BTBD7: variants seen among roughly 807,000 people sequenced by gnomAD.
The protein encoded by BTBD7 is BTB domain containing 7, also known as BTB/POZ domain-containing protein 7.
In BTBD7, 38 loss-of-function variants were observed where a neutral mutation model predicts 99.9. The ratio of observed to expected loss-of-function variants is 0.38; its 90% CI spans 0.29 to 0.50. BTBD7 has a LOEUF of 0.50. BTBD7 is among the 20% of genes least tolerant of loss of function. The probability of loss-of-function intolerance (pLI) is 0.93; values close to 1 mark genes in which losing one functional copy is unlikely to be tolerated. For synonymous variants in BTBD7, 520 were observed against 511.4 expected, an observed-to-expected ratio of 1.02 and a Z score of -0.23; for missense variants, 1,170 against 1,394.6, an observed-to-expected ratio of 0.84 and a Z score of 2.57.
At chr14:93,271,405 G>A (rs1431983703) in intron 3 of BTBD7, among the ~76,000 whole-genome samples, 1 of 152,198 alleles carries the variant, frequency 6.6e-6, no homozygotes, top group Non-Finnish European at 1.5e-5. Context: ...AAAAGGAACA[G>A]GGAGATTACA....
intron 1 of BTBD7, among the ~76,000 whole-genome samples, chr14:93,323,042 G>A (rs1305432986): frequency 6.6e-6 from 1 of 152,084 alleles, no homozygotes; most frequent in African/African-American, 2.4e-5. Flanking sequence ...ACAATCTCTT[G>A]AGCCTATGAG....
Position 93,288,615 on chromosome 14 carries a change from A to T in BTBD7, c.1162+5243T>A, listed in dbSNP as rs745895726. 9.4e-6 allele frequency: 10 copies of T among 1,067,140 alleles called. No individual in the cohort carries two copies. The East Asian group carries it at 1.9e-4, about 20-fold the overall frequency. 66.1% of individuals were successfully genotyped at this position (1,067,140 alleles called of 1,614,324 possible). On this transcript the variant is annotated intron_variant, in intron 3 of 10. Coordinates refer to ENST00000334746, the MANE Select transcript of BTBD7 (RefSeq NM_001002860.4). ...GGAAGCTTTCCTCAAATGTCCAGTT[A>T]TCCTTGGATGGGTTTTCATATTTAA... is the stretch of plus-strand genomic sequence containing the variant.
intron 1 of BTBD7, among the ~76,000 whole-genome samples, chr14:93,309,253 T>A (rs974182840): frequency 3.3e-5 from 5 of 152,016 alleles, no homozygotes; most frequent in African/African-American, 4.8e-5. Context: ...ATTCTCCAAA[T>A]GAGGAAATCA....
chr14:93,290,954 G>C (rs183513720), intron 3 of BTBD7, among the ~76,000 whole-genome samples: 1 of 150,582 alleles, frequency 6.6e-6, no homozygotes, highest in Non-Finnish European at 1.5e-5. Context: ...CAAAGTGCTG[G>C]GATTACAAGT....
intron 1 of BTBD7, among the ~76,000 whole-genome samples, chr14:93,320,808 CAG>C (rs2053261057): frequency 6.6e-6 from 1 of 152,036 alleles, no homozygotes; most frequent in Admixed American, 6.5e-5. Context: ...CCTCTACACA[CAG>C]AGAAATTACA....
rs1301653265 is a variant in BTBD7 at position 93,242,451 on chromosome 14, G to C, written c.3221C>G (p.Ser1074Ter). ...AGCTTCAGAGCTACATGCAGAAAGT[G>C]AAGGTCTGTTAGGAGTCAGCCCAAA... Reference protein sequence around the residue: ...LTFGLTPNRPSLSACSSEAPE... With the variant: ...LTFGLTPNRP Residue 1074 changes from serine (S) to a stop codon, truncating the protein, a stop_gained, in exon 11 of 11, where the codon TCA becomes TGA. Coordinates refer to ENST00000334746, the MANE Select transcript of BTBD7 (RefSeq NM_001002860.4). LOFTEE classifies it high-confidence loss of function. The C allele has an allele frequency of 5.6e-6, 9 of 1,614,132 alleles. No homozygotes were observed. Among genetic ancestry groups the C allele is most frequent in the Non-Finnish European group, 7.6e-6 (9 of 1,180,052 alleles).
intron 3 of BTBD7, among the ~76,000 whole-genome samples, chr14:93,274,284 G>A (rs1449840397): frequency 2.0e-5 from 3 of 152,158 alleles, no homozygotes; most frequent in Admixed American, 1.3e-4. Flanking sequence ...CAACTCTTGC[G>A]CCCACTGCAC....
Position 93,295,990 on chromosome 14 carries a change from T to C in BTBD7, c.62A>G (p.Gln21Arg). 3 of 1,614,050 alleles carry C rather than the reference T, an allele frequency of 1.9e-6. No individual in the cohort carries two copies. The highest frequency in any genetic ancestry group is 1.7e-6 in the Non-Finnish European group (2 of 1,179,964). The change falls in exon 2 of 11, where the codon CAG becomes CGG. Residue 21 changes from glutamine (Q) to arginine (R), a missense_variant. Coordinates refer to ENST00000334746, the MANE Select transcript of BTBD7 (RefSeq NM_001002860.4). ...SCSPRVGGNSQAQQTFIGTSS... is the reference protein window; with the variant it reads ...SCSPRVGGNSRAQQTFIGTSS... Reference sequence around the variant, plus strand: ...GTTACCTATAAAAGTCTGTTGGGCCTGTGAATTTCCCCCTACCCTCGGGGA... The same window carrying C: ...GTTACCTATAAAAGTCTGTTGGGCCCGTGAATTTCCCCCTACCCTCGGGGA...
chr14:93,324,055 A>C (rs930966865), intron 1 of BTBD7, among the ~76,000 whole-genome samples: 1 of 152,244 alleles, frequency 6.6e-6, no homozygotes, highest in Non-Finnish European at 1.5e-5. Flanking sequence ...AAAAGAACAT[A>C]TGACTATTGT....
intron 1 of BTBD7, among the ~76,000 whole-genome samples, chr14:93,312,569 T>G (rs890154260): frequency 6.6e-6 from 1 of 152,076 alleles, no homozygotes; most frequent in African/African-American, 2.4e-5. Context: ...AATTCAGGAG[T>G]GGCCAACCCA....
At position 93,240,007 on chromosome 14, in the gene BTBD7, A is replaced by G. The variant is rs1361897049; in HGVS notation, c.*2266T>C. 1 of 151,994 alleles carries G rather than the reference A, an allele frequency of 6.6e-6. No individual in the cohort carries two copies. The highest frequency in any genetic ancestry group is 1.5e-5 in the Non-Finnish European group (1 of 67,964). 9.4% of individuals were successfully genotyped at this position (151,994 alleles called of 1,614,324 possible). On this transcript the variant is annotated 3_prime_UTR_variant, in exon 11 of 11. Coordinates refer to ENST00000334746, the MANE Select transcript of BTBD7 (RefSeq NM_001002860.4). ...GTGGCAGAAACACACATCAAGGAAC[A>G]TGACGGCATTCACTTTTGTTTCTGA...
In BTBD7 at chr14:93,242,195, A is replaced by G. The variant is rs2052238262; in HGVS notation, c.*78T>C. On this transcript the variant is annotated 3_prime_UTR_variant, in exon 11 of 11. Coordinates refer to ENST00000334746, the MANE Select transcript of BTBD7 (RefSeq NM_001002860.4). ...CCGAGTTATCAGCTGGCATTGATGA[A>G]CTGGTCTGTAAGTTGTTGGGTTACA... The G allele has an allele frequency of 8.3e-6, 11 of 1,325,754 alleles. No homozygotes were observed. The highest frequency in any genetic ancestry group is 1.1e-5 in the Non-Finnish European group (10 of 951,700). The allele number at this position is 1,325,754 out of a possible 1,614,324, so 82.1% of individuals were successfully genotyped here. A position where few individuals can be genotyped will look rare whatever the true frequency, so the allele number is the denominator to read the frequency against.
intron 3 of BTBD7, among the ~76,000 whole-genome samples, chr14:93,292,412 A>G (rs1271390012): frequency 6.6e-6 from 1 of 152,162 alleles, no homozygotes; most frequent in Non-Finnish European, 1.5e-5. Context: ...TTTTGATAAC[A>G]TATTTTTCCT....
chr14:93,302,836 C>G (rs2053021127), intron 1 of BTBD7, among the ~76,000 whole-genome samples: 1 of 151,818 alleles, frequency 6.6e-6, no homozygotes, highest in African/African-American at 2.4e-5. Flanking sequence ...CAGAGTGAGA[C>G]TGTCTCAAAA....
At chr14:93,277,941 G>A (rs1595304938) in intron 3 of BTBD7, among the ~76,000 whole-genome samples, 1 of 152,202 alleles carries the variant, frequency 6.6e-6, no homozygotes, top group Non-Finnish European at 1.5e-5. Context: ...TACTCAGCAG[G>A]TGAAAAATTC....
rs527670915 is a variant in BTBD7 at position 93,274,555 on chromosome 14, T to G, written c.1163-10562A>C. On this transcript the variant is annotated intron_variant, in intron 3 of 10. Coordinates refer to ENST00000334746, the MANE Select transcript of BTBD7 (RefSeq NM_001002860.4). Reference sequence around the variant, plus strand: ...TCTGGAAGACAATCCTGAAGTACATTCCATGTGGCTCATCAGTGAGTTCCA... The same window carrying G: ...TCTGGAAGACAATCCTGAAGTACATGCCATGTGGCTCATCAGTGAGTTCCA... 2.6e-5 allele frequency among the ~76,000 whole-genome samples: 4 copies of G among 152,296 alleles called. No individual in the cohort carries two copies. In the South Asian group the frequency reaches 8.3e-4, roughly 32 times the overall value.
At chr14:93,244,015 G>T in intron 10 of BTBD7, 1 of 282,868 alleles carries the variant, frequency 3.5e-6, no homozygotes, top group South Asian at 3.6e-5. Context: ...CAAACATGGT[G>T]AACCTTCCTA....
At chr14:93,297,126 A>G (rs1566855391) in intron 1 of BTBD7, among the ~76,000 whole-genome samples, 1 of 152,240 alleles carries the variant, frequency 6.6e-6, no homozygotes, top group Non-Finnish European at 1.5e-5. Flanking sequence ...TAGCCTCACA[A>G]TGAAGTGTTT....
intron 3 of BTBD7, among the ~76,000 whole-genome samples, chr14:93,281,604 G>A (rs954770475): frequency 1.3e-5 from 2 of 152,086 alleles, no homozygotes; most frequent in African/African-American, 4.8e-5. Context: ...TATATATACT[G>A]ACATAAACAT....
Sources: allele counts gnomAD v4.1 joint callset (sites outside exome capture counted in the v4.1 genomes callset), GRCh38; gene constraint gnomAD v4.1.1; transcripts MANE v1.5; gene names NCBI Gene and HGNC (gene_info 2026-07-23, HGNC 2026-07-21).